MEF2A: variants seen among roughly 807,000 people sequenced by gnomAD.
The protein encoded by MEF2A is myocyte enhancer factor 2A.
Under a neutral mutation model 55.8 loss-of-function variants are expected in MEF2A, and 28 were observed. That is an observed-to-expected ratio of 0.50 (90% CI 0.37 to 0.69). The LOEUF (loss-of-function observed/expected upper bound fraction) is 0.69. Among genes scored for constraint, MEF2A ranks in the 30% least tolerant of loss-of-function variants. The probability of loss-of-function intolerance (pLI) is 0.00; values close to 1 mark genes in which losing one functional copy is unlikely to be tolerated. For missense variants in MEF2A, 528 were observed against 626.2 expected (o/e 0.84, Z 1.67); for synonymous variants, 239 against 227.1 (o/e 1.05, Z -0.47).
intron 4 of MEF2A, among the ~76,000 whole-genome samples, chr15:99,667,225 T>C (rs957197552): frequency 3.3e-5 from 5 of 152,012 alleles, no homozygotes; most frequent in East Asian, 1.9e-4. Context: ...TTTTTATTTA[T>C]TTATTTATTT....
At chr15:99,600,312 A>T (rs189807733) in intron 2 of MEF2A, among the ~76,000 whole-genome samples, 1 of 152,090 alleles carries the variant, frequency 6.6e-6, no homozygotes, top group Non-Finnish European at 1.5e-5. Context: ...CGGGCCTTCT[A>T]TGGTTCTATG....
intron 7 of MEF2A, chr15:99,678,687 T>C (rs965459414): frequency 2.0e-6 from 2 of 984,484 alleles, no homozygotes; most frequent in Admixed American, 6.1e-5. Context: ...CTTGAGACTT[T>C]TAAAGCACTG....
intron 1 of MEF2A, among the ~76,000 whole-genome samples, chr15:99,585,455 GTTCTT>G (rs568008579): frequency 3.3e-5 from 5 of 152,180 alleles, no homozygotes; most frequent in African/African-American, 1.2e-4. Context: ...AAATAAATCT[GTTCTT>G]TTAAGACCTT....
intron 2 of MEF2A, among the ~76,000 whole-genome samples, chr15:99,629,671 G>A (rs775587615): frequency 3.3e-5 from 5 of 151,902 alleles, no homozygotes; most frequent in Admixed American, 6.6e-5. Context: ...GAAAAAGGCC[G>A]GGGTGGGGGT....
intron 7 of MEF2A, among the ~76,000 whole-genome samples, chr15:99,677,910 C>A (rs768173833): frequency 2.0e-5 from 3 of 152,032 alleles, no homozygotes. Flanking sequence ...AGAAAATTTT[C>A]TATTTCAGGC....
intron 3 of MEF2A, among the ~76,000 whole-genome samples, chr15:99,644,975 A>C (rs2045704590): frequency 6.6e-6 from 1 of 152,144 alleles, no homozygotes; most frequent in African/African-American, 2.4e-5. Context: ...AGTCAATATA[A>C]AGGGTGTAAA....
chr15:99,572,945 C>G (rs1962930299), intron 1 of MEF2A, among the ~76,000 whole-genome samples: 1 of 152,206 alleles, frequency 6.6e-6, no homozygotes, highest in Non-Finnish European at 1.5e-5. Context: ...ACCAACCAAC[C>G]TATTATAGTA....
chr15:99,608,894 T>A (rs1976097632), intron 2 of MEF2A, among the ~76,000 whole-genome samples: 1 of 149,668 alleles, frequency 6.7e-6, no homozygotes, highest in South Asian at 2.1e-4. Context: ...AGAGTGAAAC[T>A]CCGTCTCAAA....
Position 99,596,924 on chromosome 15 carries a change from T to C in MEF2A, c.-224-1506T>C, listed in dbSNP as rs554814402. Among the ~76,000 whole-genome samples, 3 of 152,302 alleles carry C rather than the reference T, an allele frequency of 2.0e-5. No individual in the cohort carries two copies. The East Asian group carries it at 5.8e-4, about 29-fold the overall frequency. On this transcript the variant is annotated intron_variant, in intron 1 of 11. Coordinates refer to ENST00000557942, the MANE Select transcript of MEF2A (RefSeq NM_001319206.4). ...TGAAGATTTCATGGACATTTGTTAG[T>C]TCCCCAAATTAATACTTTTGTAATT...
intron 1 of MEF2A, among the ~76,000 whole-genome samples, chr15:99,592,962 T>C (rs186130693): frequency 4.6e-5 from 7 of 152,370 alleles, no homozygotes; most frequent in Admixed American, 3.3e-4. Flanking sequence ...ACTTTTTAAA[T>C]ATCAGTTACA....
chr15:99,686,551 C>G (rs1012535328), intron 7 of MEF2A, among the ~76,000 whole-genome samples: 1 of 152,198 alleles, frequency 6.6e-6, no homozygotes, highest in Non-Finnish European at 1.5e-5. Flanking sequence ...GGACCCCAAT[C>G]TCTTCTGGCT....
At chr15:99,614,618 A>G (rs529975697) in intron 2 of MEF2A, among the ~76,000 whole-genome samples, 98 of 152,312 alleles carry the variant, frequency 6.4e-4, no homozygotes, top group Non-Finnish European at 9.3e-4. Flanking sequence ...AGTTGAGGTA[A>G]ATGCCATAAG....
chr15:99,711,073 C>T (rs1305622673), intron 11 of MEF2A, among the ~76,000 whole-genome samples: 8 of 152,222 alleles, frequency 5.3e-5, no homozygotes, highest in Admixed American at 1.3e-4. Context: ...CATGCACCAT[C>T]CTTCTGCCCT....
At chr15:99,677,524 A>G (rs1190788331) in intron 7 of MEF2A, among the ~76,000 whole-genome samples, 1 of 152,190 alleles carries the variant, frequency 6.6e-6, no homozygotes, top group African/African-American at 2.4e-5. Flanking sequence ...AAAATTATCC[A>G]GAATTTTGGA....
chr15:99,571,630 GAC>G (rs1049914537), intron 1 of MEF2A, among the ~76,000 whole-genome samples: 5 of 152,090 alleles, frequency 3.3e-5, no homozygotes, highest in African/African-American at 1.2e-4. Flanking sequence ...TCCCAGCCCA[GAC>G]TTCTCTTGAG....
At chr15:99,607,543 CT>C (rs1162141149) in intron 2 of MEF2A, among the ~76,000 whole-genome samples, 1 of 152,062 alleles carries the variant, frequency 6.6e-6, no homozygotes, top group Non-Finnish European at 1.5e-5. Context: ...GATAATTCAT[CT>C]TTTTGTATGA....
At chr15:99,567,531 C>A (rs377245617) in intron 1 of MEF2A, among the ~76,000 whole-genome samples, 4 of 151,734 alleles carry the variant, frequency 2.6e-5, no homozygotes, top group East Asian at 3.9e-4. Context: ...CAAAATAGTT[C>A]TTTTTTAAAC....
chr15:99,685,758 A>C (rs1024486415), intron 7 of MEF2A, among the ~76,000 whole-genome samples: 16 of 152,056 alleles, frequency 1.1e-4, no homozygotes, highest in African/African-American at 3.9e-4. Flanking sequence ...CATCATGGGT[A>C]TTGGTCTGTA....
chr15:99,631,015 T>G (rs939572167), intron 2 of MEF2A, among the ~76,000 whole-genome samples: 1 of 152,230 alleles, frequency 6.6e-6, no homozygotes, highest in African/African-American at 2.4e-5. Flanking sequence ...ATCTCCGCCC[T>G]GCAGATTCTC....
Sources: allele counts gnomAD v4.1 joint callset (sites outside exome capture counted in the v4.1 genomes callset), GRCh38; gene constraint gnomAD v4.1.1; transcripts MANE v1.5; gene names NCBI Gene and HGNC (gene_info 2026-07-23, HGNC 2026-07-21).